The following SLC9C1 variants were observed in gnomAD, a reference collection of about 807,000 sequenced individuals.
SLC9C1 encodes the protein solute carrier family 9 member C1.
A neutral mutation model predicts 140.9 loss-of-function variants in SLC9C1; 97 were observed. That is an observed-to-expected ratio of 0.69 (90% CI 0.58 to 0.82). The LOEUF (loss-of-function observed/expected upper bound fraction) is 0.82. Among genes scored for constraint, SLC9C1 ranks in the 40% least tolerant of loss-of-function variants. SLC9C1 has a pLI of 0.00. For synonymous variants in SLC9C1, 440 were observed against 442.6 expected, an observed-to-expected ratio of 0.99 and a Z score of 0.07; for missense variants, 1,340 against 1,389.3, an observed-to-expected ratio of 0.96 and a Z score of 0.56.
rs1463477943 is a variant in SLC9C1 at position 112,231,326 on chromosome 3, G to A, written c.1572+35C>T. 14 of 1,607,856 alleles carry A rather than the reference G, an allele frequency of 8.7e-6. 1 individual carries two copies. Among genetic ancestry groups the A allele is most frequent in the Admixed American group, 6.8e-5 (4 of 58,974 alleles). ...GAGGAATTTTTCAACATAATTTTTG[G>A]CCAAACATAATTTCAAAAGAGAATA... is the stretch of plus-strand genomic sequence containing the variant. On this transcript the variant is annotated intron_variant, in intron 13 of 28. Transcript: ENST00000305815.
chr3:112,216,915 T>C (rs569704653), intron 15 of SLC9C1, among the ~76,000 whole-genome samples: 15 of 152,272 alleles, frequency 9.9e-5, no homozygotes, highest in Admixed American at 5.9e-4. Flanking sequence ...CATATGTTTA[T>C]TGTGGCACTA....
intron 23 of SLC9C1, among the ~76,000 whole-genome samples, chr3:112,174,065 A>G (rs1264800820): frequency 6.6e-6 from 1 of 152,150 alleles, no homozygotes; most frequent in African/African-American, 2.4e-5. Flanking sequence ...CATATGCTTG[A>G]TGGCCATGTT....
chr3:112,226,611 A>C, intron 13 of SLC9C1, among the ~76,000 whole-genome samples: 1 of 152,064 alleles, frequency 6.6e-6, no homozygotes, highest in East Asian at 1.9e-4. Flanking sequence ...AATCACAGCT[A>C]CTCAGGAGGC....
intron 12 of SLC9C1, among the ~76,000 whole-genome samples, chr3:112,232,710 A>T (rs947210823): frequency 6.6e-6 from 1 of 152,124 alleles, no homozygotes; most frequent in Non-Finnish European, 1.5e-5. Flanking sequence ...GGACACGGAA[A>T]AGTGCAGCAG....
At chr3:112,239,031 T>G (rs1052893265) in intron 12 of SLC9C1, among the ~76,000 whole-genome samples, 21 of 152,236 alleles carry the variant, frequency 1.4e-4, no homozygotes, top group African/African-American at 5.1e-4. Context: ...CTGCCTTTTG[T>G]TCAGCTATGC....
chr3:112,174,347 G>A lies in SLC9C1; in HGVS notation c.2920-5019C>T, dbSNP rs146608205. 2.0e-3 allele frequency among the ~76,000 whole-genome samples: 300 copies of A among 152,300 alleles called. 1 individual carries two copies. The highest frequency in any genetic ancestry group is 2.0e-3 in the Admixed American group (31 of 15,298). On this transcript the variant is annotated intron_variant, in intron 23 of 28. Transcript: ENST00000305815. ...TGACCTTAGGATTTTTCATGCTGGGGATCAGGGGGCCAAAAGCTCACAGGG... is the reference window on the plus strand; with the variant it reads ...TGACCTTAGGATTTTTCATGCTGGGAATCAGGGGGCCAAAAGCTCACAGGG...
intron 28 of SLC9C1, chr3:112,151,211 T>C (rs928257435): frequency 2.3e-6 from 1 of 427,526 alleles, no homozygotes; most frequent in Non-Finnish European, 4.6e-6. Flanking sequence ...GTGATATGAT[T>C]TATGTAACAT....
chr3:112,225,368 G>C (rs56284645), intron 13 of SLC9C1, among the ~76,000 whole-genome samples: 8,251 of 152,090 alleles, frequency 0.054, 267 homozygotes, highest in South Asian at 0.089. Flanking sequence ...CACAAGAAAT[G>C]CTTAAAAGTC....
intron 26 of SLC9C1, among the ~76,000 whole-genome samples, chr3:112,161,411 G>T (rs1274692911): frequency 6.6e-6 from 1 of 152,082 alleles, no homozygotes. Context: ...TAGGTCTAAC[G>T]TTTAAGTCTT....
chr3:112,162,215 A>C (rs1290013137), intron 26 of SLC9C1, among the ~76,000 whole-genome samples: 11 of 152,220 alleles, frequency 7.2e-5, no homozygotes, highest in Non-Finnish European at 1.2e-4. Context: ...GTCATCTGCA[A>C]ACAGGGACAA....
At chr3:112,263,271 A>G (rs1481678432) in intron 9 of SLC9C1, among the ~76,000 whole-genome samples, 173 bp from the exon 10 acceptor site, 1 of 151,906 alleles carries the variant, frequency 6.6e-6, no homozygotes, top group African/African-American at 2.4e-5. Context: ...TTCCATAGAG[A>G]GACATGCCAA....
At chr3:112,145,960 G>A (rs1188135374) in intron 28 of SLC9C1, among the ~76,000 whole-genome samples, 1 of 152,068 alleles carries the variant, frequency 6.6e-6, no homozygotes, top group Non-Finnish European at 1.5e-5. Context: ...CTTCTGCCAC[G>A]ATTGTGAGGC....
chr3:112,253,463 C>G (rs2079520304), intron 10 of SLC9C1, among the ~76,000 whole-genome samples: 1 of 152,180 alleles, frequency 6.6e-6, no homozygotes, highest in Non-Finnish European at 1.5e-5. Flanking sequence ...ACCACAATAC[C>G]TAACCACCAC....
rs182948101 is a variant in SLC9C1, at chr3:112,257,196, C to A, written c.1197+5728G>T. On this transcript the variant is annotated intron_variant, in intron 10 of 28. Coordinates refer to ENST00000305815, the MANE Select transcript of SLC9C1 (RefSeq NM_183061.3). ...ATGACATTCACAGAACTAGAAAAATCTATTTTAAAATTCGTATGGAACCAA... is the reference window on the plus strand; with the variant it reads ...ATGACATTCACAGAACTAGAAAAATATATTTTAAAATTCGTATGGAACCAA... Among the ~76,000 whole-genome samples, 10 of 152,204 alleles carry A rather than the reference C, an allele frequency of 6.6e-5. 1 individual carries two copies. The highest frequency in any genetic ancestry group is 5.9e-4 in the Admixed American group (9 of 15,264).
intron 20 of SLC9C1, among the ~76,000 whole-genome samples, chr3:112,196,826 G>A (rs1470317515): frequency 5.9e-5 from 9 of 151,860 alleles, no homozygotes; most frequent in East Asian, 1.9e-4. Flanking sequence ...AGTTCTTTGA[G>A]CATCTTTAAA....
chr3:112,249,273 T>C (rs542395289), intron 10 of SLC9C1, among the ~76,000 whole-genome samples: 1 of 151,672 alleles, frequency 6.6e-6, no homozygotes, highest in African/African-American at 2.4e-5. Context: ...ATGTATTGAA[T>C]CTACCTGGCA....
intron 28 of SLC9C1, among the ~76,000 whole-genome samples, chr3:112,146,314 C>T (rs62280205): frequency 0.21 from 31,724 of 151,498 alleles, 3,573 homozygotes; most frequent in Middle Eastern, 0.27. Flanking sequence ...TAATTTTGTT[C>T]AGTTCTTTTC....
intron 13 of SLC9C1, among the ~76,000 whole-genome samples, chr3:112,221,943 A>G (rs1033602608): frequency 1.2e-4 from 18 of 152,290 alleles, no homozygotes; most frequent in African/African-American, 4.1e-4. Context: ...AAAGATTTCT[A>G]GGTTCTGCAG....
chr3:112,154,896 T>A, intron 27 of SLC9C1, 101 bp downstream of exon 27: 1 of 1,134,368 alleles, frequency 8.8e-7, no homozygotes, highest in South Asian at 1.5e-5. Context: ...GACTAGCAGA[T>A]GAACTTTTTC....
Sources: allele counts gnomAD v4.1 joint callset (sites outside exome capture counted in the v4.1 genomes callset), GRCh38; gene constraint gnomAD v4.1.1; transcripts MANE v1.5; gene names NCBI Gene and HGNC (gene_info 2026-07-23, HGNC 2026-07-21).